The following MIPEP variants were observed in gnomAD, a reference collection of about 807,000 sequenced individuals.
MIPEP encodes mitochondrial intermediate peptidase.
MIPEP carries 79 observed loss-of-function variants against 90.3 expected under a neutral mutation model. The ratio of observed to expected loss-of-function variants is 0.87; its 90% confidence interval spans 0.73 to 1.05. The LOEUF (loss-of-function observed/expected upper bound fraction) is 1.05. Ranked by LOEUF, MIPEP falls within the 50% of genes least tolerant of loss-of-function variation. The pLI is 0.00. For synonymous variants in MIPEP, 334 were observed against 315.8 expected (o/e 1.06, Z -0.61); for missense variants, 940 against 905.6 (o/e 1.04, Z -0.49).
At chr13:23,864,661 A>C (rs991735770) in intron 7 of MIPEP, among the ~76,000 whole-genome samples, 3 of 142,764 alleles carry the variant, frequency 2.1e-5, no homozygotes, top group Non-Finnish European at 4.5e-5. Flanking sequence ...GCTTGAACCC[A>C]GGAGGTAGAG....
At chr13:23,873,265 C>T (rs1257352234) in intron 5 of MIPEP, among the ~76,000 whole-genome samples, 1 of 152,168 alleles carries the variant, frequency 6.6e-6, no homozygotes. Context: ...AGCACAGCCA[C>T]GAGTGTGAGC....
chr13:23,834,296 A>G (rs926935052), intron 14 of MIPEP, among the ~76,000 whole-genome samples: 3 of 152,178 alleles, frequency 2.0e-5, no homozygotes, highest in Non-Finnish European at 1.5e-5. Flanking sequence ...CTGCTGCTCC[A>G]GCAGCAGAAG....
chr13:23,761,867 G>T (rs748753801), intron 16 of MIPEP, among the ~76,000 whole-genome samples: 1 of 152,248 alleles, frequency 6.6e-6, no homozygotes, highest in Non-Finnish European at 1.5e-5. Flanking sequence ...GCTCATGCCT[G>T]TAATCCCAGC....
chr13:23,851,025 A>G lies in MIPEP; in HGVS notation c.1106+7835T>C, dbSNP rs891762957. Reference sequence around the variant, plus strand: ...GAGCCTTGTGGAAAACGATGAAAGGAAAGTGGCCAGACAGCCATTTGCTTT... The same window carrying G: ...GAGCCTTGTGGAAAACGATGAAAGGGAAGTGGCCAGACAGCCATTTGCTTT... On this transcript the variant is annotated intron_variant, in intron 10 of 18. Coordinates refer to ENST00000382172, the MANE Select transcript of MIPEP (RefSeq NM_005932.4). Among the ~76,000 whole-genome samples the G allele has an allele frequency of 4.6e-5, 7 of 152,340 alleles. No homozygotes were observed. The East Asian group carries it at 1.4e-3, about 29-fold the overall frequency.
At chr13:23,777,134 ATTC>A (rs1952727612) in intron 16 of MIPEP, among the ~76,000 whole-genome samples, 1 of 152,186 alleles carries the variant, frequency 6.6e-6, no homozygotes, top group African/African-American at 2.4e-5. Flanking sequence ...CTCGTGGCTT[ATTC>A]TGACTTTACC....
At chr13:23,774,989 G>A (rs1323303559) in intron 16 of MIPEP, among the ~76,000 whole-genome samples, 1 of 151,504 alleles carries the variant, frequency 6.6e-6, no homozygotes, top group Non-Finnish European at 1.5e-5. Flanking sequence ...AGAGACAGGG[G>A]GGTTTTGCCA....
chr13:23,733,115 G>A (rs1952223344), intron 18 of MIPEP, among the ~76,000 whole-genome samples: 1 of 152,172 alleles, frequency 6.6e-6, no homozygotes, highest in Non-Finnish European at 1.5e-5. Context: ...CAATTTTTCT[G>A]AATATTTGAA....
At chr13:23,875,534 T>G (rs1434948674) in intron 4 of MIPEP, among the ~76,000 whole-genome samples, 3 of 151,914 alleles carry the variant, frequency 2.0e-5, no homozygotes, top group Non-Finnish European at 4.4e-5. Flanking sequence ...TAACACCTTT[T>G]TTTTTTTGTC....
At chr13:23,813,006 TA>T (rs1444862577) in intron 14 of MIPEP, among the ~76,000 whole-genome samples, 1 of 152,164 alleles carries the variant, frequency 6.6e-6, no homozygotes, top group African/African-American at 2.4e-5. Context: ...ATGTTCTTTT[TA>T]AAAAAACTAG....
At chr13:23,785,297 T>C (rs1455778059) in intron 16 of MIPEP, among the ~76,000 whole-genome samples, 1 of 152,184 alleles carries the variant, frequency 6.6e-6, no homozygotes, top group Non-Finnish European at 1.5e-5. Context: ...CACCATGGAA[T>C]ACTATGCAGC....
intron 7 of MIPEP, among the ~76,000 whole-genome samples, chr13:23,867,143 T>C (rs1870577794): frequency 6.6e-6 from 1 of 152,054 alleles, no homozygotes. Context: ...AGTCAGATCA[T>C]CTCACTCCTC....
chr13:23,833,013 G>T (rs1200186188), intron 14 of MIPEP, among the ~76,000 whole-genome samples: 1 of 152,118 alleles, frequency 6.6e-6, no homozygotes, highest in African/African-American at 2.4e-5. Context: ...TAAAATACCT[G>T]TAGGTGTTAA....
At chr13:23,860,920 G>A (rs1244416571) in intron 9 of MIPEP, among the ~76,000 whole-genome samples, 1 of 152,168 alleles carries the variant, frequency 6.6e-6, no homozygotes, top group Non-Finnish European at 1.5e-5. Context: ...AGAATCTGCA[G>A]GACCTAACAA....
intron 16 of MIPEP, among the ~76,000 whole-genome samples, chr13:23,778,783 T>G (rs1952744977): frequency 6.6e-6 from 1 of 152,188 alleles, no homozygotes; most frequent in Non-Finnish European, 1.5e-5. Flanking sequence ...GCTAAGTGCT[T>G]TGATCATACA....
intron 9 of MIPEP, among the ~76,000 whole-genome samples, chr13:23,859,282 G>A (rs1485638120): frequency 6.6e-6 from 1 of 152,186 alleles, no homozygotes. Flanking sequence ...TAAGATGAGT[G>A]TACTAAAGGT....
At chr13:23,854,658 G>A (rs2137488382) in intron 10 of MIPEP, among the ~76,000 whole-genome samples, 1 of 152,112 alleles carries the variant, frequency 6.6e-6, no homozygotes, top group East Asian at 1.9e-4. Context: ...TTGGGAGGCT[G>A]AGGCAGGCGG....
At chr13:23,879,802 A>C (rs564527747) in intron 3 of MIPEP, among the ~76,000 whole-genome samples, 9 of 152,226 alleles carry the variant, frequency 5.9e-5, no homozygotes, top group Non-Finnish European at 7.4e-5. Context: ...GGGACCTTGG[A>C]CACGTTATTT....
At chr13:23,847,257 T>C (rs1286369513) in intron 10 of MIPEP, among the ~76,000 whole-genome samples, 2 of 152,150 alleles carry the variant, frequency 1.3e-5, no homozygotes, top group Non-Finnish European at 2.9e-5. Flanking sequence ...ATGAGAACAC[T>C]ACATCCCTGC....
At chr13:23,888,733 G>A (rs1352558280) in intron 1 of MIPEP, 73 of 1,014,704 alleles carry the variant, frequency 7.2e-5, no homozygotes, top group Non-Finnish European at 8.1e-5. Context: ...GATGCCGCCT[G>A]TGAACGCACA....
Sources: allele counts gnomAD v4.1 joint callset (sites outside exome capture counted in the v4.1 genomes callset), GRCh38; gene constraint gnomAD v4.1.1; transcripts MANE v1.5; gene names NCBI Gene and HGNC (gene_info 2026-07-23, HGNC 2026-07-21).